Variants in RGS7 observed in about 807,000 individuals in gnomAD.
RGS7 encodes the protein regulator of G protein signaling 7, also known as regulator of G-protein signaling 7.
Under a neutral mutation model 81.1 loss-of-function variants are expected in RGS7, and 27 were observed. The observed-to-expected ratio is 0.33, with a 90% CI of 0.25 to 0.46. The LOEUF (loss-of-function observed/expected upper bound fraction) is 0.46, where lower values mean the gene tolerates loss of function less well. Ranked by LOEUF, RGS7 falls within the 20% of genes least tolerant of loss-of-function variation. The pLI is 1.00. For missense variants in RGS7, 396 were observed against 607.4 expected, an observed-to-expected ratio of 0.65 and a Z score of 3.66; for synonymous variants, 208 against 207.7, an observed-to-expected ratio of 1.00 and a Z score of -0.01.
intron 9 of RGS7, among the ~76,000 whole-genome samples, chr1:240,846,614 A>AC (rs1659129669): frequency 6.6e-6 from 1 of 151,916 alleles, no homozygotes; most frequent in Admixed American, 6.6e-5. Context: ...TGTGGTGAGT[A>AC]CCCTCCATAA....
intron 2 of RGS7, among the ~76,000 whole-genome samples, chr1:241,257,639 A>C (rs2148256952): frequency 6.6e-6 from 1 of 152,348 alleles, no homozygotes; most frequent in Admixed American, 6.5e-5. Flanking sequence ...TAAAACATCA[A>C]GTTTTAATTC....
At chr1:241,009,417 C>T (rs189651853) in intron 3 of RGS7, among the ~76,000 whole-genome samples, 1 of 152,290 alleles carries the variant, frequency 6.6e-6, no homozygotes, top group Admixed American at 6.5e-5. Flanking sequence ...ACACTTTTAA[C>T]CTGGATTCTG....
intron 6 of RGS7, among the ~76,000 whole-genome samples, chr1:240,892,935 G>A (rs1200006197): frequency 6.6e-6 from 1 of 151,890 alleles, no homozygotes; most frequent in East Asian, 1.9e-4. Context: ...AGTGTCTTTA[G>A]AGCTAAATGT....
chr1:240,803,099 T>G, intron 15 of RGS7, 106 bp from the exon 16 acceptor site: 1 of 777,478 alleles, frequency 1.3e-6, no homozygotes, highest in Non-Finnish European at 2.3e-6. Context: ...CAGCGAAAAA[T>G]AGTAATAACA....
chr1:241,120,821 C>CTATG (rs1256674546), intron 2 of RGS7, among the ~76,000 whole-genome samples: 1 of 151,958 alleles, frequency 6.6e-6, no homozygotes, highest in Non-Finnish European at 1.5e-5. Flanking sequence ...CAGCAGCAGG[C>CTATG]TATGGAGTTT....
intron 2 of RGS7, among the ~76,000 whole-genome samples, chr1:241,137,216 TC>T (rs1236748810): frequency 4.2e-4 from 64 of 152,120 alleles, no homozygotes; most frequent in African/African-American, 1.5e-3. Flanking sequence ...CATTTTTTTT[TC>T]CTTTTCTTTC....
In RGS7 at chr1:241,257,339, AC is replaced by A. The variant is rs556840756; in HGVS notation, c.78+98359del. On this transcript the variant is annotated intron_variant, in intron 2 of 18. Coordinates refer to ENST00000440928, the MANE Select transcript of RGS7 (RefSeq NM_001364886.1). ...CATAAGGGTAGGGCCTTCATGATCT[AC>A]TCACCACCTAAAGGCCCTACTTCTT... is the stretch of plus-strand genomic sequence containing the variant. 9.5e-4 allele frequency among the ~76,000 whole-genome samples: 144 copies of A among 152,020 alleles called. 1 individual carries two copies. Among genetic ancestry groups the A allele is most frequent in the African/African-American group, 3.4e-3 (141 of 41,444 alleles).
intron 9 of RGS7, among the ~76,000 whole-genome samples, chr1:240,838,787 G>T (rs1446181587): frequency 2.0e-5 from 3 of 149,118 alleles, no homozygotes; most frequent in Non-Finnish European, 4.4e-5. Context: ...TTTTTTTTGA[G>T]ACAGAGTCTT....
At chr1:241,044,105 T>A (rs1250768077) in intron 3 of RGS7, among the ~76,000 whole-genome samples, 6 of 125,466 alleles carry the variant, frequency 4.8e-5, no homozygotes, top group Admixed American at 2.3e-4. Context: ...TTCTTTTTGT[T>A]TTTTTTGTTT....
chr1:241,324,544 C>T (rs1466403592), intron 2 of RGS7, among the ~76,000 whole-genome samples: 2 of 152,122 alleles, frequency 1.3e-5, no homozygotes, highest in Non-Finnish European at 2.9e-5. Flanking sequence ...TGCATTGCAT[C>T]AGAAGAAAAA....
intron 2 of RGS7, among the ~76,000 whole-genome samples, chr1:241,182,648 C>CTTTT (rs34005010): frequency 2.5e-5 from 3 of 118,180 alleles, no homozygotes; most frequent in Admixed American, 9.1e-5. Context: ...GCATCTCACG[C>CTTTT]TTTTTTTTTT....
chr1:240,911,592 C>T (rs1213934721), intron 6 of RGS7, among the ~76,000 whole-genome samples: 1 of 152,178 alleles, frequency 6.6e-6, no homozygotes, highest in African/African-American at 2.4e-5. Context: ...ATAGCCACTG[C>T]ATACTGGGTG....
Position 240,868,179 on chromosome 1 carries a change from A to C in RGS7, c.609+408T>G, listed in dbSNP as rs1432978835. Reference sequence around the variant, plus strand: ...GAAAGGACGGAGGGAGGGAAGGACGAAGGAAGGAAGGAAGGAACGAAGGAA... The same window carrying C: ...GAAAGGACGGAGGGAGGGAAGGACGCAGGAAGGAAGGAAGGAACGAAGGAA... On this transcript the variant is annotated intron_variant, in intron 9 of 18. Transcript: ENST00000440928. This position sits in a 1 kb window ranked among gnomAD's most constrained non-coding sequence, Gnocchi z 5.1. Among the ~76,000 whole-genome samples, 1 of 147,264 alleles carries C rather than the reference A, an allele frequency of 6.8e-6. No homozygotes were observed. Among genetic ancestry groups the C allele is most frequent in the East Asian group, 2.0e-4 (1 of 4,974 alleles).
chr1:241,171,722 C>T (rs988017276), intron 2 of RGS7, among the ~76,000 whole-genome samples: 1 of 152,172 alleles, frequency 6.6e-6, no homozygotes, highest in African/African-American at 2.4e-5. Context: ...GGTACCCTAT[C>T]CGTGAGTGAC....
chr1:240,988,154 T>C (rs1216547512), intron 3 of RGS7, among the ~76,000 whole-genome samples: 1 of 151,444 alleles, frequency 6.6e-6, no homozygotes, highest in Non-Finnish European at 1.5e-5. Context: ...ACTGAAGGCA[T>C]GAGTCACTAT....
chr1:241,042,583 G>C (rs761841588), intron 3 of RGS7, among the ~76,000 whole-genome samples: 3 of 152,066 alleles, frequency 2.0e-5, no homozygotes, highest in Non-Finnish European at 4.4e-5. Context: ...AAAAGACCAG[G>C]AATAGCTTAC....
At chr1:240,919,711 GC>G in intron 6 of RGS7, 1 of 608,576 alleles carries the variant, frequency 1.6e-6, no homozygotes, top group Non-Finnish European at 3.0e-6. Context: ...TCATTGGAGG[GC>G]TGAGCTTTGA....
chr1:240,814,091 A>G (rs1351502784), intron 12 of RGS7, among the ~76,000 whole-genome samples: 1 of 152,242 alleles, frequency 6.6e-6, no homozygotes, highest in East Asian at 1.9e-4. Flanking sequence ...AACTGAGAGA[A>G]GGGCTTAAAA....
At chr1:241,313,980 G>GA (rs1207219089) in intron 2 of RGS7, among the ~76,000 whole-genome samples, 2 of 152,144 alleles carry the variant, frequency 1.3e-5, no homozygotes, top group Non-Finnish European at 2.9e-5. Flanking sequence ...GTAATCTCAT[G>GA]AAAAAACTTG....
Sources: gnomAD v4.1 joint callset for allele counts (sites outside exome capture counted in the v4.1 genomes callset) on GRCh38, gnomAD v4.1.1 for gene constraint, Gnocchi (gnomAD v3.1) non-coding constraint, MANE v1.5 for transcripts, NCBI Gene and HGNC (gene_info 2026-07-23, HGNC 2026-07-21) for gene names.